Variants in HDAC11 observed in about 807,000 individuals in gnomAD.
HDAC11 encodes the protein histone deacetylase 11.
In HDAC11, 23 loss-of-function variants were observed where a neutral mutation model predicts 41.1. The observed-to-expected ratio is 0.56, with a 90% CI of 0.40 to 0.79. The LOEUF is 0.79. Ranked by LOEUF, HDAC11 falls within the 30% of genes least tolerant of loss-of-function variation. HDAC11 has a pLI of 0.00. For synonymous variants in HDAC11, 187 were observed against 186.6 expected (o/e 1.00, Z -0.02); for missense variants, 402 against 477.3 (o/e 0.84, Z 1.47).
intron 3 of HDAC11, among the ~76,000 whole-genome samples, chr3:13,484,033 T>C (rs1701445107): frequency 6.6e-6 from 1 of 152,100 alleles, no homozygotes; most frequent in Non-Finnish European, 1.5e-5. Context: ...TCTCGGCTCA[T>C]TGCAACCTCC....
Position 13,505,014 on chromosome 3 carries a change from G to A in HDAC11, c.*331G>A. ...AGGCACAGCGAGGGCCCTGGGCTTGGGGTGTTCTGGTTTTGAGAACGGCAG... is the reference window on the plus strand; with the variant it reads ...AGGCACAGCGAGGGCCCTGGGCTTGAGGTGTTCTGGTTTTGAGAACGGCAG... On this transcript the variant is annotated 3_prime_UTR_variant, in exon 10 of 10. Coordinates refer to ENST00000295757, the MANE Select transcript of HDAC11 (RefSeq NM_024827.4). 2.7e-6 allele frequency: 1 copy of A among 372,136 alleles called. No homozygotes were observed. Among genetic ancestry groups the A allele is most frequent in the South Asian group, 3.4e-5 (1 of 29,196 alleles). The allele number at this position is 372,136 out of a possible 1,614,324, so 23.1% of individuals were successfully genotyped here. A position where few individuals can be genotyped will look rare whatever the true frequency, so the allele number is the denominator to read the frequency against.
At chr3:13,486,688 C>T (rs1197626394) in intron 3 of HDAC11, among the ~76,000 whole-genome samples, 2 of 150,504 alleles carry the variant, frequency 1.3e-5, no homozygotes, top group African/African-American at 4.9e-5. Context: ...AGCGATTCTC[C>T]TGCCTCAGCC....
chr3:13,503,511 C>A (rs58820210), intron 8 of HDAC11, among the ~76,000 whole-genome samples: 3,691 of 152,360 alleles, frequency 0.024, 56 homozygotes, highest in African/African-American at 0.039. Context: ...TTTCGGTAAG[C>A]CGAGATCGCG....
At chr3:13,488,090 C>G (rs551383556) in intron 3 of HDAC11, among the ~76,000 whole-genome samples, 178 of 151,582 alleles carry the variant, frequency 1.2e-3, no homozygotes, top group Non-Finnish European at 2.3e-3. Context: ...GCAGAACTAT[C>G]TGTCATGAGT....
intron 3 of HDAC11, among the ~76,000 whole-genome samples, chr3:13,487,570 G>T (rs60128954): frequency 0.014 from 2,207 of 152,320 alleles, 48 homozygotes; most frequent in African/African-American, 0.051. Context: ...GGTAGCTGTT[G>T]AGCTCCCCAG....
chr3:13,503,986 T>G (rs1009342099), intron 8 of HDAC11, 108 bp from the exon 9 acceptor site: 15 of 1,019,156 alleles, frequency 1.5e-5, no homozygotes, highest in Non-Finnish European at 2.0e-5. Flanking sequence ...GGCTGAGCAG[T>G]GCTGAATCTG....
At chr3:13,481,214 CA>C (rs765760173) in intron 1 of HDAC11, 31 bp from the exon 2 acceptor site, 17 of 1,602,020 alleles carry the variant, frequency 1.1e-5, no homozygotes, top group African/African-American at 2.7e-5. Context: ...GAGGCTGCCC[CA>C]GCTGTGCGTC....
chr3:13,502,065 A>G lies in HDAC11; in HGVS notation c.552+132A>G. On this transcript the variant is annotated intron_variant, in intron 7 of 9. Coordinates refer to ENST00000295757, the MANE Select transcript of HDAC11 (RefSeq NM_024827.4). This position sits in a 1 kb window ranked among gnomAD's most constrained non-coding sequence, Gnocchi z 4.1. ...GCTTCTGTCTTCTGTCTCTCGGGCT[A>G]CAAATGCAGGGTCTGTCTTTGTCAC... The G allele has an allele frequency of 2.8e-6, 2 of 720,926 alleles. No homozygotes were observed. The highest frequency in any genetic ancestry group is 1.7e-5 in the South Asian group (1 of 58,826). The allele number at this position is 720,926 out of a possible 1,614,324, so 44.7% of individuals were successfully genotyped here.
chr3:13,494,080 C>A (rs1332315432), intron 3 of HDAC11, among the ~76,000 whole-genome samples: 1 of 152,246 alleles, frequency 6.6e-6, no homozygotes, highest in Non-Finnish European at 1.5e-5. Context: ...GCGGCATAAG[C>A]CATGCTTCCC....
intron 3 of HDAC11, among the ~76,000 whole-genome samples, chr3:13,486,571 GTTTTTTTTT>G (rs767002835): frequency 2.0e-4 from 17 of 83,046 alleles, no homozygotes; most frequent in Admixed American, 4.9e-4. Context: ...ATGTAGAGGT[GTTTTTTTTT>G]TTTTTTTTTT....
chr3:13,486,224 G>C (rs1168965766), intron 3 of HDAC11, among the ~76,000 whole-genome samples: 1 of 135,066 alleles, frequency 7.4e-6, no homozygotes, highest in Admixed American at 8.6e-5. Context: ...CCGAGATTGC[G>C]CCATTGCACT....
chr3:13,500,082 T>TG (rs1400932301), intron 5 of HDAC11, among the ~76,000 whole-genome samples: 2 of 152,104 alleles, frequency 1.3e-5, no homozygotes, highest in East Asian at 1.9e-4. Flanking sequence ...AGTAGCCTCC[T>TG]GGGGGGTGGG....
In HDAC11 at chr3:13,504,670, C is replaced by G. The variant is rs374592246; in HGVS notation, c.1031C>G (p.Pro344Arg). Residue 344 changes from proline to arginine, a missense_variant, in exon 10 of 10, where the codon CCT becomes CGT. Transcript: ENST00000295757. ...AACTCAGACACACCGCTGCTTCCCC[C>G]TGCAGTGCCCTGACCCTTGCTGCCC... ...AQNSDTPLLPPAVP is the reference protein window; with the variant it reads ...AQNSDTPLLPRAVP The G allele has an allele frequency of 2.9e-4, 463 of 1,613,656 alleles. No individual in the cohort carries two copies. Among genetic ancestry groups the G allele is most frequent in the Non-Finnish European group, 3.8e-4 (444 of 1,179,890 alleles).
intron 8 of HDAC11, 42 bp downstream of exon 8, chr3:13,503,022 G>A (rs1410576121): frequency 6.8e-7 from 1 of 1,467,838 alleles, no homozygotes; most frequent in Non-Finnish European, 9.5e-7. Flanking sequence ...GTGTCCTTGT[G>A]GATGAGGCTC....
At chr3:13,482,557 G>C (rs774985315) in intron 2 of HDAC11, among the ~76,000 whole-genome samples, 2 of 152,200 alleles carry the variant, frequency 1.3e-5, no homozygotes, top group Non-Finnish European at 2.9e-5. Context: ...CCAAGGCTAG[G>C]AGAACACTTG....
At chr3:13,487,106 G>A (rs1036739155) in intron 3 of HDAC11, among the ~76,000 whole-genome samples, 11 of 152,158 alleles carry the variant, frequency 7.2e-5, no homozygotes, top group African/African-American at 1.9e-4. Context: ...GGACAGTCAC[G>A]AGGGGGTTTT....
chr3:13,491,131 A>C (rs987976975), intron 3 of HDAC11, among the ~76,000 whole-genome samples: 1 of 151,120 alleles, frequency 6.6e-6, no homozygotes, highest in African/African-American at 2.4e-5. Context: ...AGGATCCTCT[A>C]TATATAACAT....
intron 3 of HDAC11, among the ~76,000 whole-genome samples, chr3:13,491,072 GTGTGTGT>G (rs1701838458): frequency 2.4e-5 from 1 of 42,066 alleles, no homozygotes; most frequent in Non-Finnish European, 5.3e-5. Context: ...TAATAGTTGT[GTGTGTGT>G]GTGTGTGTGT....
At position 13,504,675 on chromosome 3, in the gene HDAC11, G is replaced by A; in HGVS notation, c.1036G>A (p.Val346Met). The change falls in exon 10 of 10, where the codon GTG (valine) becomes ATG (methionine). Residue 346 changes from valine to methionine, a missense_variant. Coordinates refer to ENST00000295757, the MANE Select transcript of HDAC11 (RefSeq NM_024827.4). ...AGACACACCGCTGCTTCCCCCTGCA[G>A]TGCCCTGACCCTTGCTGCCCTGCCT... ...NSDTPLLPPA[V>M]P The A allele has an allele frequency of 6.2e-7, 1 of 1,613,618 alleles. No individual in the cohort carries two copies. The highest frequency in any genetic ancestry group is 1.1e-5 in the South Asian group (1 of 91,086).
Sources: allele counts gnomAD v4.1 joint callset (sites outside exome capture counted in the v4.1 genomes callset), GRCh38; gene constraint gnomAD v4.1.1; non-coding constraint Gnocchi (gnomAD v3.1); transcripts MANE v1.5; gene names NCBI Gene and HGNC (gene_info 2026-07-23, HGNC 2026-07-21).